PALD1: variants seen among roughly 807,000 people sequenced by gnomAD.
PALD1 encodes the protein phosphatase domain containing paladin 1.
Under a neutral mutation model 96.0 loss-of-function variants are expected in PALD1, and 57 were observed. The observed-to-expected ratio is 0.59, with a 90% CI of 0.48 to 0.74. PALD1 has a LOEUF of 0.74. PALD1 is among the 30% of genes least tolerant of loss of function. The probability of loss-of-function intolerance (pLI) is 0.00; values close to 1 mark genes in which losing one functional copy is unlikely to be tolerated. For missense variants in PALD1, 1,063 were observed against 1,143.7 expected (o/e 0.93, Z 1.02); for synonymous variants, 464 against 473.6 (o/e 0.98, Z 0.26).
At chr10:70,549,046 CAAAAAAAAAAAAA>C (rs71472976) in intron 18 of PALD1, among the ~76,000 whole-genome samples, 3 of 74,692 alleles carry the variant, frequency 4.0e-5, no homozygotes, top group Non-Finnish European at 7.4e-5. Context: ...TTGTCTCTAC[CAAAAAAAAAAAAA>C]AAAAAAAAAG....
At chr10:70,510,756 T>A (rs1387474850) in intron 1 of PALD1, among the ~76,000 whole-genome samples, 5 of 152,226 alleles carry the variant, frequency 3.3e-5, no homozygotes, top group Admixed American at 6.5e-5. Context: ...GCTTGTGGTC[T>A]TTCTCTGCCA....
rs993929456 is a variant in PALD1 at position 70,540,640 on chromosome 10, C to G, written c.1909-462C>G. ...CCTCCTGGCGCATCTCTTCGCGGCT[C>G]TCACTGCCTGCGGTCTGCTGCCTCC... On this transcript the variant is annotated intron_variant, in intron 15 of 19. Coordinates refer to ENST00000263563, the MANE Select transcript of PALD1 (RefSeq NM_014431.3). This position sits in a 1 kb window ranked among gnomAD's most constrained non-coding sequence, Gnocchi z 4.2. Among the ~76,000 whole-genome samples, 1 of 152,124 alleles carries G rather than the reference C, an allele frequency of 6.6e-6. No homozygotes were observed. Among genetic ancestry groups the G allele is most frequent in the South Asian group, 2.1e-4 (1 of 4,824 alleles).
At chr10:70,561,147 A>G (rs941163481) in intron 18 of PALD1, among the ~76,000 whole-genome samples, 12 of 152,186 alleles carry the variant, frequency 7.9e-5, no homozygotes, top group Non-Finnish European at 5.9e-5. Context: ...ACCCCAGAGA[A>G]TCTTTCTCAG....
the PALD1 span, among the ~76,000 whole-genome samples, chr10:70,472,354 G>A: frequency 2.3e-3 from 353 of 152,234 alleles, 1 homozygote; most frequent in Non-Finnish European, 4.2e-3. Flanking sequence ...TCTACCTCCC[G>A]GGTTCAAGCG....
At chr10:70,522,499 A>G (rs537605888) in intron 1 of PALD1, among the ~76,000 whole-genome samples, 26 of 152,302 alleles carry the variant, frequency 1.7e-4, no homozygotes, top group African/African-American at 5.8e-4. Flanking sequence ...GAAGAGTGGT[A>G]TCGTAAGCGA....
intron 1 of PALD1, among the ~76,000 whole-genome samples, chr10:70,481,486 A>C (rs751904886): frequency 6.6e-6 from 1 of 152,220 alleles, no homozygotes; most frequent in Non-Finnish European, 1.5e-5. Context: ...CCACCTCTGC[A>C]TTACAAGGCT....
At chr10:70,562,995 C>T (rs572448768) in intron 18 of PALD1, among the ~76,000 whole-genome samples, 1 of 152,310 alleles carries the variant, frequency 6.6e-6, no homozygotes, top group South Asian at 2.1e-4. Flanking sequence ...CTCTCAAACC[C>T]TCAGTGGCTC....
chr10:70,458,895 C>T, the PALD1 span, among the ~76,000 whole-genome samples: 1 of 152,226 alleles, frequency 6.6e-6, no homozygotes, highest in African/African-American at 2.4e-5. Context: ...GCGGGGGGCC[C>T]CCATTTGGTG....
intron 1 of PALD1, among the ~76,000 whole-genome samples, chr10:70,492,273 T>C (rs568416421): frequency 1.7e-3 from 254 of 152,076 alleles, no homozygotes; most frequent in Admixed American, 4.3e-3. Flanking sequence ...GTTCCACTTA[T>C]GCTTTTTCAA....
intron 19 of PALD1, among the ~76,000 whole-genome samples, chr10:70,565,910 G>A (rs1316825240): frequency 1.3e-5 from 2 of 152,168 alleles, no homozygotes; most frequent in Non-Finnish European, 2.9e-5. Flanking sequence ...CTGGGGCTGG[G>A]GGAGGTCAAG....
At chr10:70,544,398 C>G (rs1013025867) in intron 17 of PALD1, among the ~76,000 whole-genome samples, 3 of 152,076 alleles carry the variant, frequency 2.0e-5, no homozygotes, top group African/African-American at 7.2e-5. Context: ...TTGACCTTGA[C>G]CGTGAGGCCA....
chr10:70,505,654 A>G (rs1419354321), intron 1 of PALD1, among the ~76,000 whole-genome samples: 1 of 151,010 alleles, frequency 6.6e-6, no homozygotes, highest in Non-Finnish European at 1.5e-5. Context: ...CAAAAAAACA[A>G]ATCAGAAACT....
chr10:70,498,586 G>GTTT (rs35830368), intron 1 of PALD1, among the ~76,000 whole-genome samples: 1 of 143,472 alleles, frequency 7.0e-6, no homozygotes, highest in Non-Finnish European at 1.5e-5. Context: ...GTCCTGTTTT[G>GTTT]TTTTTTTTTT....
At chr10:70,556,726 A>G (rs947298364) in intron 18 of PALD1, among the ~76,000 whole-genome samples, 2 of 152,190 alleles carry the variant, frequency 1.3e-5, no homozygotes, top group East Asian at 1.9e-4. Flanking sequence ...TTGAGCAGCT[A>G]TGGTTTCTAA....
chr10:70,473,183 G>C, the PALD1 span, among the ~76,000 whole-genome samples: 1 of 152,078 alleles, frequency 6.6e-6, no homozygotes, highest in Non-Finnish European at 1.5e-5. Flanking sequence ...CCTGCATCCC[G>C]CCCTGCTGGG....
In PALD1 at chr10:70,529,797, C is replaced by T. The variant is rs1012500461; in HGVS notation, c.289-92C>T. The T allele has an allele frequency of 6.0e-6, 7 of 1,159,924 alleles. No homozygotes were observed. The Middle Eastern group carries it at 6.5e-4, about 108-fold the overall frequency. The allele number at this position is 1,159,924 out of a possible 1,614,324, so 71.9% of individuals were successfully genotyped here. ...TGTTCTTTTTGCCCCTATTTCCCCC[C>T]TCCCTGTCCCCTGGAGCCCAGGACA... On this transcript the variant is annotated intron_variant, in intron 3 of 19. Transcript: ENST00000263563.
At chr10:70,553,176 C>G (rs1847516509) in intron 18 of PALD1, among the ~76,000 whole-genome samples, 1 of 152,164 alleles carries the variant, frequency 6.6e-6, no homozygotes, top group African/African-American at 2.4e-5. Flanking sequence ...CTCTCTCATT[C>G]CATCTACATT....
chr10:70,551,631 C>T (rs1212524856), intron 18 of PALD1, among the ~76,000 whole-genome samples: 1 of 142,930 alleles, frequency 7.0e-6, no homozygotes, highest in Non-Finnish European at 1.5e-5. Flanking sequence ...TTTTCCTGGC[C>T]CCCTGCCGGC....
chr10:70,560,367 C>T (rs1004969483), intron 18 of PALD1, among the ~76,000 whole-genome samples: 1 of 152,110 alleles, frequency 6.6e-6, no homozygotes, highest in Non-Finnish European at 1.5e-5. Flanking sequence ...CATCTCCCAG[C>T]TCAGAACTCT....
Sources: gnomAD v4.1 joint callset for allele counts (sites outside exome capture counted in the v4.1 genomes callset) on GRCh38, gnomAD v4.1.1 for gene constraint, Gnocchi (gnomAD v3.1) non-coding constraint, MANE v1.5 for transcripts, NCBI Gene and HGNC (gene_info 2026-07-23, HGNC 2026-07-21) for gene names.